The following FRAS1 variants were observed in gnomAD, a reference collection of about 807,000 sequenced individuals.
FRAS1 encodes extracellular matrix organizing protein FRAS1.
In FRAS1, 290 loss-of-function variants were observed where a neutral mutation model predicts 435.2. The observed-to-expected ratio is 0.67, with a 90% CI of 0.61 to 0.73. FRAS1 has a LOEUF of 0.73. Among genes scored for constraint, FRAS1 ranks in the 30% least tolerant of loss-of-function variants. The probability of loss-of-function intolerance (pLI) is 0.00; values close to 1 mark genes in which losing one functional copy is unlikely to be tolerated. For missense variants in FRAS1, 4,860 were observed against 5,001.5 expected (o/e 0.97, Z 0.85); for synonymous variants, 1,800 against 1,851.0 (o/e 0.97, Z 0.71).
chr4:78,387,530 A>T lies in FRAS1; in HGVS notation c.3804A>T (p.Thr1268=), dbSNP rs780354355. 4 of 1,613,690 alleles carry T rather than the reference A, an allele frequency of 2.5e-6. No individual in the cohort carries two copies. In the East Asian group the frequency reaches 8.9e-5, roughly 36 times the overall value. The change falls in exon 29 of 74, where the codon ACA becomes ACT. Residue 1268 remains threonine (T), a synonymous_variant. Coordinates refer to ENST00000512123, the MANE Select transcript of FRAS1 (RefSeq NM_025074.7). ...CACTTCATGGCCAATTGCTTCAGAC[A>T]CTTCAGTCCCCGGCAACCCCTATCT... The part of the protein sequence containing the change: ...DPPLHGQLLQ[T]LQSPATPIYQ...
rs6838799 is a variant in FRAS1, at chr4:78,312,855, A to G, written c.1679-2739A>G. 1.2e-3 allele frequency among the ~76,000 whole-genome samples: 89 copies of G among 75,264 alleles called. 1 individual carries two copies. Among genetic ancestry groups the G allele is most frequent in the African/African-American group, 4.9e-3 (52 of 10,596 alleles). 49.4% of individuals were successfully genotyped at this position (75,264 alleles called of 152,430 possible). On this transcript the variant is annotated intron_variant, in intron 15 of 73. Coordinates refer to ENST00000512123, the MANE Select transcript of FRAS1 (RefSeq NM_025074.7). ...TGAAAGAAAGAAAAAGAAAGAAAGA[A>G]AGAAAGAGAGAGAGAGAGAGAGAGA...
intron 2 of FRAS1, among the ~76,000 whole-genome samples, chr4:78,101,188 A>G (rs1256835460): frequency 6.6e-6 from 1 of 152,096 alleles, no homozygotes; most frequent in East Asian, 1.9e-4. Flanking sequence ...TGACTGACCC[A>G]ACAAGTGTGA....
At chr4:78,301,801 C>G (rs1455735591) in intron 14 of FRAS1, among the ~76,000 whole-genome samples, 1 of 145,158 alleles carries the variant, frequency 6.9e-6, no homozygotes, top group Admixed American at 6.9e-5. Flanking sequence ...TTCTGAATCT[C>G]TTAGTGATTC....
chr4:78,508,390 T>C (rs1362465297), intron 62 of FRAS1, among the ~76,000 whole-genome samples: 1 of 152,238 alleles, frequency 6.6e-6, no homozygotes, highest in African/African-American at 2.4e-5. Flanking sequence ...AACTATTTAA[T>C]GCAACTTTAA....
At chr4:78,280,073 A>G (rs552363983) in intron 10 of FRAS1, among the ~76,000 whole-genome samples, 7 of 152,248 alleles carry the variant, frequency 4.6e-5, no homozygotes, top group African/African-American at 7.2e-5. Flanking sequence ...ACAGTTTCAT[A>G]GAAAGATTTA....
chr4:78,220,789 A>C (rs1175970365), intron 2 of FRAS1, among the ~76,000 whole-genome samples: 1 of 152,208 alleles, frequency 6.6e-6, no homozygotes, highest in Non-Finnish European at 1.5e-5. Flanking sequence ...TCAAGAATAC[A>C]GACATTTCTT....
intron 23 of FRAS1, 55 bp from the exon 24 acceptor site, chr4:78,372,663 C>A: frequency 6.2e-7 from 1 of 1,600,726 alleles, no homozygotes. Context: ...AAATGAACTG[C>A]TGGGTCTGAG....
intron 17 of FRAS1, among the ~76,000 whole-genome samples, chr4:78,318,442 A>G (rs1024811772): frequency 1.3e-5 from 2 of 152,226 alleles, no homozygotes; most frequent in Admixed American, 6.5e-5. Context: ...CTCCCTATGA[A>G]TGGTTCTAAA....
intron 5 of FRAS1, 85 bp downstream of exon 5, chr4:78,252,636 A>G (rs1023853962): frequency 4.0e-6 from 5 of 1,256,958 alleles, no homozygotes; most frequent in Admixed American, 5.2e-5. Context: ...ATATTTCAAC[A>G]TAGGTTCTTT....
intron 20 of FRAS1, among the ~76,000 whole-genome samples, chr4:78,349,812 C>T (rs2110281741): frequency 4.0e-5 from 1 of 25,136 alleles, no homozygotes; most frequent in South Asian, 8.0e-4. Flanking sequence ...TTGTCACCAC[C>T]AGGCCTGCCC....
At chr4:78,183,424 C>T (rs866483075) in intron 2 of FRAS1, among the ~76,000 whole-genome samples, 35 of 152,166 alleles carry the variant, frequency 2.3e-4, no homozygotes, top group African/African-American at 7.2e-4. Flanking sequence ...TTGGCGTCCC[C>T]GGAAACCACA....
chr4:78,487,060 G>C (rs904042286), intron 58 of FRAS1, among the ~76,000 whole-genome samples: 1 of 152,106 alleles, frequency 6.6e-6, no homozygotes, highest in African/African-American at 2.4e-5. Context: ...GAGCGGAAAA[G>C]CTTCCCTGCT....
At chr4:78,424,667 G>A (rs1031105573) in intron 35 of FRAS1, among the ~76,000 whole-genome samples, 1 of 152,052 alleles carries the variant, frequency 6.6e-6, no homozygotes, top group African/African-American at 2.4e-5. Flanking sequence ...TAAGAGCCAG[G>A]CATGGTGGCT....
In FRAS1 at chr4:78,281,391, T is replaced by C; in HGVS notation, c.1072-7T>C. 2 of 1,565,870 alleles carry C rather than the reference T, an allele frequency of 1.3e-6. No homozygotes were observed. The highest frequency in any genetic ancestry group is 1.7e-6 in the Non-Finnish European group (2 of 1,154,950). On this transcript the variant is annotated splice_region_variant and splice_polypyrimidine_tract_variant and intron_variant, in intron 10 of 73. Transcript: ENST00000512123. ...GGCATAATAAAGACATTTCTCTTTG[T>C]TCCTAGATGTCATCAAATGCTAGTG...
At chr4:78,495,010 C>G (rs941154970) in intron 59 of FRAS1, among the ~76,000 whole-genome samples, 2 of 152,100 alleles carry the variant, frequency 1.3e-5, no homozygotes, top group Admixed American at 1.3e-4. Context: ...CATTATTCAT[C>G]TTTTGAATTT....
intron 2 of FRAS1, among the ~76,000 whole-genome samples, chr4:78,174,631 G>A (rs1209440476): frequency 6.6e-6 from 1 of 152,198 alleles, no homozygotes; most frequent in East Asian, 1.9e-4. Flanking sequence ...GATAAGCCAA[G>A]TATTTGGCTG....
chr4:78,345,530 AT>A (rs34335683), intron 20 of FRAS1, among the ~76,000 whole-genome samples: 25,827 of 149,162 alleles, frequency 0.17, 2,875 homozygotes, highest in African/African-American at 0.33. Context: ...CTATCTCTGT[AT>A]TTTTTTTCAA....
At chr4:78,088,726 GA>G (rs1037999596) in intron 2 of FRAS1, among the ~76,000 whole-genome samples, 15 of 152,118 alleles carry the variant, frequency 9.9e-5, no homozygotes, top group African/African-American at 3.6e-4. Context: ...AAACCACAAT[GA>G]GATACCATCT....
chr4:78,163,822 C>T (rs1721235303), intron 2 of FRAS1, among the ~76,000 whole-genome samples: 1 of 152,198 alleles, frequency 6.6e-6, no homozygotes, highest in Non-Finnish European at 1.5e-5. Flanking sequence ...TTTTTCTCTC[C>T]TTCTGCTCGA....
Sources: allele counts gnomAD v4.1 joint callset (sites outside exome capture counted in the v4.1 genomes callset), GRCh38; gene constraint gnomAD v4.1.1; transcripts MANE v1.5; gene names NCBI Gene and HGNC (gene_info 2026-07-23, HGNC 2026-07-21).